PRKCE: variants seen among roughly 807,000 people sequenced by gnomAD.
PRKCE encodes the protein protein kinase C epsilon type.
PRKCE carries 16 observed loss-of-function variants against 85.4 expected under a neutral mutation model. The ratio of observed to expected loss-of-function variants is 0.19; its 90% CI spans 0.13 to 0.28. The LOEUF (loss-of-function observed/expected upper bound fraction) is 0.28. PRKCE is among the 10% of genes least tolerant of loss of function. PRKCE has a pLI of 1.00. For missense variants in PRKCE, 573 were observed against 975.2 expected (o/e 0.59, Z 5.49); for synonymous variants, 388 against 371.5 (o/e 1.04, Z -0.51).
chr2:46,065,599 T>C (rs539256435), intron 10 of PRKCE, among the ~76,000 whole-genome samples: 1 of 152,328 alleles, frequency 6.6e-6, no homozygotes, highest in East Asian at 1.9e-4. Context: ...TTAGAGAAAT[T>C]ACTTTTCAGA....
chr2:45,876,215 C>T (rs752104141), intron 2 of PRKCE, among the ~76,000 whole-genome samples: 2 of 152,194 alleles, frequency 1.3e-5, no homozygotes, highest in Admixed American at 6.5e-5. Flanking sequence ...AAATGAAAAT[C>T]TCGTCAAATC....
Position 46,187,897 on chromosome 2 carries a change from A to T in PRKCE, c.*3016A>T, listed in dbSNP as rs1284687132. 2 of 150,608 alleles carry T rather than the reference A, an allele frequency of 1.3e-5. No homozygotes were observed. Among genetic ancestry groups the T allele is most frequent in the African/African-American group, 2.5e-5 (1 of 40,728 alleles). 9.3% of individuals were successfully genotyped at this position (150,608 alleles called of 1,614,324 possible). Reference sequence around the variant, plus strand: ...TCTTGCCATTCATTAGTGTTATTTCATTGTAAACGTTATTGTGCCAAATGT... The same window carrying T: ...TCTTGCCATTCATTAGTGTTATTTCTTTGTAAACGTTATTGTGCCAAATGT... On this transcript the variant is annotated 3_prime_UTR_variant, in exon 15 of 15. Coordinates refer to ENST00000306156, the MANE Select transcript of PRKCE (RefSeq NM_005400.3).
At chr2:45,712,137 CTTTTTTTTTTTTTTT>C (rs34233761) in intron 1 of PRKCE, among the ~76,000 whole-genome samples, 1 of 45,796 alleles carries the variant, frequency 2.2e-5, no homozygotes, top group Non-Finnish European at 3.7e-5. Context: ...ACGGCCTGTC[CTTTTTTTTTTTTTTT>C]TTTTTTTTTT....
intron 6 of PRKCE, among the ~76,000 whole-genome samples, chr2:45,988,448 A>G (rs1285531509): frequency 2.0e-5 from 3 of 152,130 alleles, no homozygotes; most frequent in Non-Finnish European, 2.9e-5. Context: ...GTCTGCTTTT[A>G]TGACAAGGAA....
At chr2:45,704,073 G>A (rs1164362264) in intron 1 of PRKCE, among the ~76,000 whole-genome samples, 2 of 152,196 alleles carry the variant, frequency 1.3e-5, no homozygotes, top group Non-Finnish European at 2.9e-5. Flanking sequence ...GCCAGGCCCA[G>A]AGACACATGG....
chr2:45,861,192 G>A (rs925961754), intron 2 of PRKCE, among the ~76,000 whole-genome samples: 6 of 152,134 alleles, frequency 3.9e-5, no homozygotes, highest in Admixed American at 6.5e-5. Context: ...CCTTCGTGCT[G>A]GGGCTGGTAT....
At chr2:45,870,559 C>G (rs1694009881) in intron 2 of PRKCE, among the ~76,000 whole-genome samples, 4 of 152,200 alleles carry the variant, frequency 2.6e-5, no homozygotes, top group Admixed American at 2.6e-4. Context: ...GCTCTCTCAT[C>G]AGCCATGCAG....
chr2:45,980,159 G>C, intron 4 of PRKCE, 137 bp from the exon 5 acceptor site: 1 of 676,394 alleles, frequency 1.5e-6, no homozygotes, highest in Non-Finnish European at 2.5e-6. Context: ...AAAGACTTTA[G>C]GGAGGGTATT....
At chr2:46,095,252 C>T (rs576366415) in intron 11 of PRKCE, among the ~76,000 whole-genome samples, 10 of 152,344 alleles carry the variant, frequency 6.6e-5, no homozygotes, top group Non-Finnish European at 1.3e-4. Context: ...GCTTCGATTA[C>T]TCCCAGAGTC....
At chr2:45,853,147 G>A (rs182646824) in intron 2 of PRKCE, among the ~76,000 whole-genome samples, 1 of 152,220 alleles carries the variant, frequency 6.6e-6, no homozygotes, top group Admixed American at 6.5e-5. Context: ...TTTCTGTTTG[G>A]AATCTTCTCC....
intron 2 of PRKCE, among the ~76,000 whole-genome samples, chr2:45,910,608 T>G (rs1420830564): frequency 6.6e-6 from 1 of 152,146 alleles, no homozygotes; most frequent in East Asian, 1.9e-4. Flanking sequence ...CTAAACAAGT[T>G]TGTTATGATC....
In PRKCE at chr2:45,774,884, C is replaced by T. The variant is rs1283744627; in HGVS notation, c.349-68116C>T. Among the ~76,000 whole-genome samples, 1 of 150,864 alleles carries T rather than the reference C, an allele frequency of 6.6e-6. No homozygotes were observed. Among genetic ancestry groups the T allele is most frequent in the Non-Finnish European group, 1.5e-5 (1 of 67,878 alleles). On this transcript the variant is annotated intron_variant, in intron 1 of 14. Coordinates refer to ENST00000306156, the MANE Select transcript of PRKCE (RefSeq NM_005400.3). This position sits in a 1 kb window ranked among gnomAD's most constrained non-coding sequence, Gnocchi z 4.3. ...TCCAAGTCCAGGGTATCACTGTGAC[C>T]CGAGGAAGCCCAGTGACACGGTCCC...
chr2:45,957,331 T>C (rs927589234), intron 2 of PRKCE, among the ~76,000 whole-genome samples: 5 of 152,248 alleles, frequency 3.3e-5, no homozygotes, highest in African/African-American at 1.2e-4. Flanking sequence ...TTTTTATGCA[T>C]GGACATTCAA....
intron 14 of PRKCE, among the ~76,000 whole-genome samples, chr2:46,164,549 C>T (rs1246370150): frequency 6.6e-6 from 1 of 152,224 alleles, no homozygotes; most frequent in African/African-American, 2.4e-5. Flanking sequence ...CTGAATTACC[C>T]CACTCCTCAG....
intron 2 of PRKCE, among the ~76,000 whole-genome samples, chr2:45,920,065 C>T (rs557689545): frequency 1.4e-4 from 21 of 152,286 alleles, no homozygotes; most frequent in Admixed American, 9.8e-4. Context: ...TGGCCCCAGC[C>T]GGTTCAGACA....
intron 1 of PRKCE, among the ~76,000 whole-genome samples, chr2:45,703,422 C>A (rs970323468): frequency 1.3e-5 from 2 of 151,962 alleles, no homozygotes; most frequent in Admixed American, 1.3e-4. Flanking sequence ...CTTGTAGTCC[C>A]AGCTACTCGG....
intron 6 of PRKCE, among the ~76,000 whole-genome samples, chr2:45,989,221 G>T (rs1341721190): frequency 2.0e-5 from 3 of 152,216 alleles, no homozygotes; most frequent in Non-Finnish European, 4.4e-5. Context: ...ACGAGGCACA[G>T]GGAGGAAGGT....
intron 11 of PRKCE, among the ~76,000 whole-genome samples, chr2:46,102,967 A>T (rs1391058557): frequency 3.3e-5 from 5 of 152,210 alleles, no homozygotes; most frequent in Non-Finnish European, 7.3e-5. Context: ...AAGAAGTATT[A>T]TATAAAGCCC....
In PRKCE at chr2:46,187,022, G is replaced by A. The variant is rs202077311; in HGVS notation, c.*2141G>A. ...ACATTCTGGAGAGAGACTATCTTCT[G>A]GAGTTGAGTACAAGCACAGAAACAT... On this transcript the variant is annotated 3_prime_UTR_variant, in exon 15 of 15. Transcript: ENST00000306156. The A allele has an allele frequency of 3.3e-5, 5 of 152,330 alleles. No individual in the cohort carries two copies. In the East Asian group the frequency reaches 9.6e-4, roughly 29 times the overall value. The allele number at this position is 152,330 out of a possible 1,614,324, so 9.4% of individuals were successfully genotyped here.
Sources: allele counts gnomAD v4.1 joint callset (sites outside exome capture counted in the v4.1 genomes callset), GRCh38; gene constraint gnomAD v4.1.1; non-coding constraint Gnocchi (gnomAD v3.1); transcripts MANE v1.5; gene names NCBI Gene and HGNC (gene_info 2026-07-23, HGNC 2026-07-21).